The following KPNA6 variants were observed in gnomAD, a reference collection of about 807,000 sequenced individuals.
KPNA6 encodes importin subunit alpha-7.
KPNA6 carries 9 observed loss-of-function variants against 72.0 expected under a neutral mutation model. That is an observed-to-expected ratio of 0.13 (90% CI 0.08 to 0.22). KPNA6 has a LOEUF of 0.22. KPNA6 is among the 10% of genes least tolerant of loss of function. The pLI is 1.00. For synonymous variants in KPNA6, 219 were observed against 242.1 expected, an observed-to-expected ratio of 0.90 and a Z score of 0.89; for missense variants, 374 against 655.7, an observed-to-expected ratio of 0.57 and a Z score of 4.69.
intron 1 of KPNA6, among the ~76,000 whole-genome samples, chr1:32,117,702 T>G (rs781059055): frequency 2.6e-5 from 4 of 152,132 alleles, no homozygotes; most frequent in Non-Finnish European, 5.9e-5. Context: ...CTGTACTTTA[T>G]ATATTCATTT....
intron 2 of KPNA6, among the ~76,000 whole-genome samples, chr1:32,155,629 C>G (rs1372846825): frequency 6.6e-6 from 1 of 152,014 alleles, no homozygotes; most frequent in Non-Finnish European, 1.5e-5. Flanking sequence ...CCACGCCCAG[C>G]CTGAGACTAT....
At chr1:32,112,782 A>G (rs1336589479) in intron 1 of KPNA6, among the ~76,000 whole-genome samples, 1 of 152,172 alleles carries the variant, frequency 6.6e-6, no homozygotes, top group Non-Finnish European at 1.5e-5. Flanking sequence ...TGCATGAGCC[A>G]CCATGCCCAG....
At chr1:32,143,074 A>C (rs1393333412) in intron 1 of KPNA6, 2 of 1,061,192 alleles carry the variant, frequency 1.9e-6, no homozygotes, top group Admixed American at 2.3e-5. Flanking sequence ...TCTGTTGTCT[A>C]CTCTGTTAGT....
chr1:32,157,006 T>C, intron 3 of KPNA6, 61 bp downstream of exon 3: 1 of 1,271,416 alleles, frequency 7.9e-7, no homozygotes, highest in Non-Finnish European at 1.1e-6. Flanking sequence ...AGGACAGAAA[T>C]TGGGCCGTTC....
intron 1 of KPNA6, among the ~76,000 whole-genome samples, chr1:32,145,979 A>G (rs531931030): frequency 2.0e-5 from 3 of 152,336 alleles, no homozygotes; most frequent in African/African-American, 7.2e-5. Context: ...AATGTTTTAT[A>G]TGACTTCAGT....
intron 1 of KPNA6, among the ~76,000 whole-genome samples, chr1:32,131,871 C>G (rs960097418): frequency 2.6e-4 from 40 of 151,884 alleles, no homozygotes; most frequent in African/African-American, 9.4e-4. Context: ...AGCCTGGTCT[C>G]CTGTGTGACA....
chr1:32,138,089 C>T (rs1223864146), intron 1 of KPNA6, among the ~76,000 whole-genome samples: 1 of 149,330 alleles, frequency 6.7e-6, no homozygotes, highest in African/African-American at 2.5e-5. Flanking sequence ...GAGCCAAGAT[C>T]GTGCCACTGC....
chr1:32,119,021 TATA>T (rs1311180024), intron 1 of KPNA6, among the ~76,000 whole-genome samples: 16 of 81,424 alleles, frequency 2.0e-4, no homozygotes, highest in South Asian at 1.4e-3. Flanking sequence ...TATATATATA[TATA>T]TATATATATT....
intron 1 of KPNA6, among the ~76,000 whole-genome samples, chr1:32,110,432 A>G (rs962879464): frequency 3.9e-5 from 6 of 152,176 alleles, no homozygotes; most frequent in African/African-American, 1.4e-4. Context: ...CTTCAAGGCA[A>G]TGACTGTAGA....
chr1:32,117,213 C>A (rs1641342305), intron 1 of KPNA6, among the ~76,000 whole-genome samples: 1 of 150,806 alleles, frequency 6.6e-6, no homozygotes, highest in Non-Finnish European at 1.5e-5. Flanking sequence ...CACTCTGTCA[C>A]CCAGGCTGGA....
intron 13 of KPNA6, 137 bp from the exon 14 acceptor site, chr1:32,170,570 A>T: frequency 4.4e-6 from 3 of 676,616 alleles, no homozygotes; most frequent in Non-Finnish European, 7.7e-6. Flanking sequence ...CTCCCCTTTC[A>T]GGTCCAAGAG....
rs181720897 is a variant in KPNA6, at chr1:32,115,079, A to T, written c.4+6945A>T. On this transcript the variant is annotated intron_variant, in intron 1 of 13. Coordinates refer to ENST00000373625, the MANE Select transcript of KPNA6 (RefSeq NM_012316.5). The stretch of plus-strand genomic sequence containing the variant: ...GGTCTCGAACTCCTGACCTCAAGTG[A>T]TCCGCCCACCTCAGCCTCCCAAAGT... Among the ~76,000 whole-genome samples the T allele has an allele frequency of 5.3e-4, 80 of 152,034 alleles. No homozygotes were observed. In the East Asian group the frequency reaches 0.014, roughly 27 times the overall value.
At chr1:32,157,236 C>T in intron 3 of KPNA6, 110 bp from the exon 4 acceptor site, 1 of 760,748 alleles carries the variant, frequency 1.3e-6, no homozygotes, top group Non-Finnish European at 2.2e-6. Flanking sequence ...GCCTATTATG[C>T]CATCCTCTTG....
At chr1:32,144,903 C>T (rs922877347) in intron 1 of KPNA6, among the ~76,000 whole-genome samples, 2 of 151,880 alleles carry the variant, frequency 1.3e-5, no homozygotes, top group Non-Finnish European at 2.9e-5. Context: ...ACCTCAGCCT[C>T]CCAAAGTGTT....
rs1368415187 is a variant in KPNA6 at position 32,125,214 on chromosome 1, A to G, written c.4+17080A>G. 2.0e-5 allele frequency among the ~76,000 whole-genome samples: 3 copies of G among 152,260 alleles called. No homozygotes were observed. The East Asian group carries it at 5.8e-4, about 29-fold the overall frequency. ...CAGTTTACTTGCTTACATAAATTCT[A>G]TCAAATTACAATCCAGTTTGGCAGT... On this transcript the variant is annotated intron_variant, in intron 1 of 13. Transcript: ENST00000373625.
chr1:32,131,558 C>G (rs766800583), intron 1 of KPNA6, among the ~76,000 whole-genome samples: 2 of 151,750 alleles, frequency 1.3e-5, no homozygotes, highest in Non-Finnish European at 2.9e-5. Flanking sequence ...CACATACATA[C>G]ATACACACAT....
chr1:32,157,209 C>T, intron 3 of KPNA6, 137 bp from the exon 4 acceptor site: 1 of 655,634 alleles, frequency 1.5e-6, no homozygotes, highest in Non-Finnish European at 2.7e-6. Context: ...ATAGATTAAA[C>T]AGACCCCTTC....
chr1:32,153,880 C>T (rs972024197), intron 1 of KPNA6, among the ~76,000 whole-genome samples: 1 of 152,150 alleles, frequency 6.6e-6, no homozygotes, highest in African/African-American at 2.4e-5. Flanking sequence ...GACGTGGTTG[C>T]TCATGCCTAT....
At chr1:32,130,222 ATT>A (rs55953899) in intron 1 of KPNA6, among the ~76,000 whole-genome samples, 3,405 of 103,112 alleles carry the variant, frequency 0.033, 95 homozygotes, top group African/African-American at 0.094. Flanking sequence ...GTAGATAAAT[ATT>A]TTTTTTTTTT....
Sources: gnomAD v4.1 joint callset for allele counts (sites outside exome capture counted in the v4.1 genomes callset) on GRCh38, gnomAD v4.1.1 for gene constraint, MANE v1.5 for transcripts, NCBI Gene and HGNC (gene_info 2026-07-23, HGNC 2026-07-21) for gene names.